The following AJAP1 variants were observed in gnomAD, a reference collection of about 807,000 sequenced individuals.
AJAP1 encodes adherens junction-associated protein 1.
A neutral mutation model predicts 35.0 loss-of-function variants in AJAP1; 5 were observed. The observed-to-expected ratio is 0.14, with a 90% CI of 0.07 to 0.30. The LOEUF (loss-of-function observed/expected upper bound fraction) is 0.30. Among genes scored for constraint, AJAP1 ranks in the 10% least tolerant of loss-of-function variants. The pLI, the probability that AJAP1 is intolerant of heterozygous loss-of-function variation, is 1.00. For synonymous variants in AJAP1, 284 were observed against 249.3 expected, an observed-to-expected ratio of 1.14 and a Z score of -1.31; for missense variants, 586 against 571.0, an observed-to-expected ratio of 1.03 and a Z score of -0.27.
At position 4,701,407 on chromosome 1, in the gene AJAP1, C is replaced by T. The variant is rs766285674; in HGVS notation, c.30-10493C>T. Reference sequence around the variant, plus strand: ...CCAAAGCCGTCTCATGTCACCCCCACGCCATGCTGTTTTGGGAGCAGCTGT... The same window carrying T: ...CCAAAGCCGTCTCATGTCACCCCCATGCCATGCTGTTTTGGGAGCAGCTGT... On this transcript the variant is annotated intron_variant, in intron 1 of 5. Transcript: ENST00000378191. Among the ~76,000 whole-genome samples the T allele has an allele frequency of 2.6e-5, 4 of 152,218 alleles. 1 individual carries two copies. The highest frequency in any genetic ancestry group is 4.1e-4 in the South Asian group (2 of 4,832).
At chr1:4,687,454 G>A (rs1442290375) in intron 1 of AJAP1, among the ~76,000 whole-genome samples, 1 of 152,208 alleles carries the variant, frequency 6.6e-6, no homozygotes, top group Non-Finnish European at 1.5e-5. Context: ...CCTTGGTCCG[G>A]GCAGCCTGGG....
chr1:4,688,771 CAAAAAAAAAA>C (rs5772177), intron 1 of AJAP1, among the ~76,000 whole-genome samples: 1 of 87,946 alleles, frequency 1.1e-5, no homozygotes, highest in Non-Finnish European at 2.2e-5. Context: ...GACTCCGTCT[CAAAAAAAAAA>C]AAAAAAAAAA....
At chr1:4,697,920 T>C (rs1351067890) in intron 1 of AJAP1, among the ~76,000 whole-genome samples, 3 of 152,210 alleles carry the variant, frequency 2.0e-5, no homozygotes, top group Non-Finnish European at 4.4e-5. Flanking sequence ...AGGGGACCGC[T>C]AAGTCCGCGT....
At chr1:4,706,147 A>G (rs1178047953) in intron 1 of AJAP1, among the ~76,000 whole-genome samples, 1 of 152,174 alleles carries the variant, frequency 6.6e-6, no homozygotes, top group Non-Finnish European at 1.5e-5. Flanking sequence ...GTCCTCGGGG[A>G]AGGGAGGTCC....
chr1:4,772,589 C>T lies in AJAP1; in HGVS notation c.1163+64C>T, dbSNP rs1326006529. 5 of 1,586,614 alleles carry T rather than the reference C, an allele frequency of 3.2e-6. No individual in the cohort carries two copies. The East Asian group carries it at 9.0e-5, about 29-fold the overall frequency. ...TCTTGGTGCTCCTGACCCCCGGGGG[C>T]CGGTGTGGCTGAGCTGAGAGCTGTT... On this transcript the variant is annotated intron_variant, in intron 4 of 5. Transcript: ENST00000378191.
intron 3 of AJAP1, 86 bp from the exon 4 acceptor site, chr1:4,772,194 G>A (rs1485641997): frequency 7.0e-6 from 11 of 1,565,252 alleles, no homozygotes; most frequent in South Asian, 4.7e-5. Flanking sequence ...GCCTGCAAGC[G>A]AAAGACCCAC....
At chr1:4,722,360 C>G (rs1198500018) in intron 2 of AJAP1, among the ~76,000 whole-genome samples, 1 of 152,178 alleles carries the variant, frequency 6.6e-6, no homozygotes, top group African/African-American at 2.4e-5. Context: ...CACGGCAGGA[C>G]CTGTGGCGTC....
intron 3 of AJAP1, 36 bp downstream of exon 3, chr1:4,769,976 G>A (rs1641798402): frequency 1.3e-6 from 2 of 1,543,510 alleles, no homozygotes; most frequent in African/African-American, 2.7e-5. Flanking sequence ...CCAGAAATGG[G>A]GGACTACCGG....
At chr1:4,679,136 T>A (rs1205896433) in intron 1 of AJAP1, among the ~76,000 whole-genome samples, 1 of 152,184 alleles carries the variant, frequency 6.6e-6, no homozygotes, top group Non-Finnish European at 1.5e-5. Flanking sequence ...TTTCTCAAGT[T>A]TGGAAGAGAA....
intron 1 of AJAP1, among the ~76,000 whole-genome samples, chr1:4,697,271 G>C (rs1309507379): frequency 2.0e-5 from 3 of 152,254 alleles, no homozygotes; most frequent in African/African-American, 7.2e-5. Flanking sequence ...ATATGTGAGT[G>C]TGGCACAGGA....
intron 2 of AJAP1, among the ~76,000 whole-genome samples, chr1:4,722,892 G>A (rs1302951950): frequency 6.6e-6 from 1 of 152,320 alleles, no homozygotes; most frequent in East Asian, 1.9e-4. Context: ...TTGGGCTGGG[G>A]CAAGGTTCCA....
chr1:4,781,945 T>C (rs1315607427), intron 5 of AJAP1, among the ~76,000 whole-genome samples: 1 of 152,162 alleles, frequency 6.6e-6, no homozygotes, highest in South Asian at 2.1e-4. Flanking sequence ...TGTGCCCAGG[T>C]GGGACTCGCC....
At position 4,784,243 on chromosome 1, in the gene AJAP1, C is replaced by T. The variant is rs1488121091; in HGVS notation, c.*1758C>T. On this transcript the variant is annotated 3_prime_UTR_variant, in exon 6 of 6. Coordinates refer to ENST00000378191, the MANE Select transcript of AJAP1 (RefSeq NM_018836.4). ...ACTGGTGCCCCAGACTTGCTGTCAA[C>T]AGCGGGTGCTGTAGGGATCTAGGGA... is the stretch of plus-strand genomic sequence containing the variant. 1 of 152,290 alleles carries T rather than the reference C, an allele frequency of 6.6e-6. No homozygotes were observed. The highest frequency in any genetic ancestry group is 2.4e-5 in the African/African-American group (1 of 41,468). The allele number at this position is 152,290 out of a possible 1,614,324, so 9.4% of individuals were successfully genotyped here.
chr1:4,687,799 T>TCATC (rs1281489870), intron 1 of AJAP1, among the ~76,000 whole-genome samples: 1 of 152,158 alleles, frequency 6.6e-6, no homozygotes, highest in East Asian at 1.9e-4. Context: ...CTCCATCCAT[T>TCATC]CATCCATCCA....
Position 4,655,594 on chromosome 1 carries a change from G to A in AJAP1, c.29+140G>A. 1 of 1,079,842 alleles carries A rather than the reference G, an allele frequency of 9.3e-7. No individual in the cohort carries two copies. The highest frequency in any genetic ancestry group is 1.3e-6 in the Non-Finnish European group (1 of 793,158). 66.9% of individuals were successfully genotyped at this position (1,079,842 alleles called of 1,614,324 possible). On this transcript the variant is annotated intron_variant, in intron 1 of 5. Transcript: ENST00000378191. The surrounding 1 kb of genome is among the most constrained non-coding windows in gnomAD (Gnocchi z 6.9). Reference sequence around the variant, plus strand: ...GGGCAACGGGGTGCACCGGTAGCCGGAAAGGGGCGCCCGCCCGGAGCCTGG... The same window carrying A: ...GGGCAACGGGGTGCACCGGTAGCCGAAAAGGGGCGCCCGCCCGGAGCCTGG...
At chr1:4,728,846 C>T (rs1320683874) in intron 2 of AJAP1, among the ~76,000 whole-genome samples, 8 of 152,152 alleles carry the variant, frequency 5.3e-5, no homozygotes, top group Admixed American at 2.6e-4. Flanking sequence ...GCCTCCCTGC[C>T]GATGGGCTCT....
intron 2 of AJAP1, among the ~76,000 whole-genome samples, chr1:4,760,525 G>A (rs768922709): frequency 2.0e-5 from 3 of 152,122 alleles, no homozygotes; most frequent in Admixed American, 6.5e-5. Flanking sequence ...TGCCTGTCAC[G>A]GAGCAGATCT....
intron 1 of AJAP1, among the ~76,000 whole-genome samples, chr1:4,677,471 C>T (rs16839450): frequency 0.17 from 26,233 of 151,860 alleles, 2,644 homozygotes; most frequent in South Asian, 0.31. Context: ...GGAGGGCTTC[C>T]ACAGGAGCTG....
intron 2 of AJAP1, among the ~76,000 whole-genome samples, chr1:4,713,078 G>A (rs975785342): frequency 7.9e-5 from 12 of 152,140 alleles, no homozygotes; most frequent in Non-Finnish European, 1.8e-4. Flanking sequence ...CCTTGAGCAA[G>A]ATGCTTGCCC....
Sources: allele counts gnomAD v4.1 joint callset (sites outside exome capture counted in the v4.1 genomes callset), GRCh38; gene constraint gnomAD v4.1.1; non-coding constraint Gnocchi (gnomAD v3.1); transcripts MANE v1.5; gene names NCBI Gene and HGNC (gene_info 2026-07-23, HGNC 2026-07-21).